Variants in UST observed in about 807,000 individuals in gnomAD.
UST encodes chondroitin sulfate 2-O-sulfotransferase.
In UST, 21 loss-of-function variants were observed where a neutral mutation model predicts 45.6. That is an observed-to-expected ratio of 0.46 (90% CI 0.33 to 0.66). The LOEUF (loss-of-function observed/expected upper bound fraction) is 0.66, where lower values mean the gene tolerates loss of function less well. Ranked by LOEUF, UST falls within the 30% of genes least tolerant of loss-of-function variation. UST has a pLI of 0.02. For missense variants in UST, 463 were observed against 512.4 expected, an observed-to-expected ratio of 0.90 and a Z score of 0.93; for synonymous variants, 215 against 200.6, an observed-to-expected ratio of 1.07 and a Z score of -0.61.
intron 3 of UST, among the ~76,000 whole-genome samples, chr6:148,947,187 A>G (rs954615512): frequency 1.3e-5 from 2 of 152,158 alleles, no homozygotes; most frequent in African/African-American, 4.8e-5. Flanking sequence ...AAGCTATTCC[A>G]TTTATGCCTG....
At chr6:148,826,107 A>G (rs1777562895) in intron 1 of UST, among the ~76,000 whole-genome samples, 1 of 152,124 alleles carries the variant, frequency 6.6e-6, no homozygotes, top group African/African-American at 2.4e-5. Context: ...TCTGTCTAAG[A>G]GCATCCTGTT....
rs1431296658 is a variant in UST at position 149,076,577 on chromosome 6, T to A, written c.*2461T>A. The A allele has an allele frequency of 6.6e-6, 1 of 152,144 alleles. No homozygotes were observed. The highest frequency in any genetic ancestry group is 2.4e-5 in the African/African-American group (1 of 41,178). 9.4% of individuals were successfully genotyped at this position (152,144 alleles called of 1,614,324 possible). On this transcript the variant is annotated 3_prime_UTR_variant, in exon 8 of 8. Coordinates refer to ENST00000367463, the MANE Select transcript of UST (RefSeq NM_005715.3). ...ACCCTCTAGGTCCTAAAAGTCAAGG[T>A]ACTTCAGTTTATTTGGCAAACATGA...
intron 1 of UST, among the ~76,000 whole-genome samples, chr6:148,873,834 A>G (rs1221846501): frequency 6.6e-6 from 1 of 152,154 alleles, no homozygotes; most frequent in Non-Finnish European, 1.5e-5. Context: ...GATGATGAGA[A>G]TGAGGATGCT....
At chr6:148,902,148 A>G (rs758566305) in intron 2 of UST, among the ~76,000 whole-genome samples, 2 of 152,174 alleles carry the variant, frequency 1.3e-5, no homozygotes, top group African/African-American at 2.4e-5. Flanking sequence ...TCTGGTGTGT[A>G]TAAGTTTCAT....
intron 2 of UST, among the ~76,000 whole-genome samples, chr6:148,931,024 G>A (rs533916915): frequency 6.6e-6 from 1 of 152,352 alleles, no homozygotes; most frequent in East Asian, 1.9e-4. Flanking sequence ...GCAGCCAAGT[G>A]TGGCTGTTTC....
chr6:148,787,866 C>T (rs1776762474), intron 1 of UST, among the ~76,000 whole-genome samples: 2 of 152,126 alleles, frequency 1.3e-5, no homozygotes, highest in Non-Finnish European at 2.9e-5. Flanking sequence ...GTAATCAAAG[C>T]CACTGATATT....
intron 7 of UST, among the ~76,000 whole-genome samples, chr6:149,051,470 T>C (rs1354652773): frequency 6.6e-6 from 1 of 152,254 alleles, no homozygotes; most frequent in Non-Finnish European, 1.5e-5. Context: ...CTGATTTTTC[T>C]AACACCAATT....
chr6:148,900,398 T>C (rs891442883), intron 2 of UST, among the ~76,000 whole-genome samples: 2 of 152,172 alleles, frequency 1.3e-5, no homozygotes, highest in South Asian at 2.1e-4. Flanking sequence ...TGGGAGGCAA[T>C]TGAATCATGA....
At chr6:148,942,447 A>G (rs1562307429) in intron 3 of UST, among the ~76,000 whole-genome samples, 1 of 152,158 alleles carries the variant, frequency 6.6e-6, no homozygotes, top group Non-Finnish European at 1.5e-5. Flanking sequence ...AGTCCCAGCT[A>G]TTCGGGAGGC....
chr6:148,942,827 G>C (rs943896033), intron 3 of UST, among the ~76,000 whole-genome samples: 6 of 152,030 alleles, frequency 3.9e-5, no homozygotes, highest in Non-Finnish European at 7.4e-5. Flanking sequence ...CCACTCCTTT[G>C]CAAACTTCCA....
intron 1 of UST, among the ~76,000 whole-genome samples, chr6:148,829,678 C>A (rs1200156667): frequency 6.6e-6 from 1 of 152,102 alleles, no homozygotes; most frequent in African/African-American, 2.4e-5. Flanking sequence ...TTTTTACCCT[C>A]GGTTTGTTTG....
intron 5 of UST, chr6:148,993,066 G>T: frequency 1.0e-6 from 1 of 985,430 alleles, no homozygotes; most frequent in Non-Finnish European, 1.2e-6. Flanking sequence ...CACCAAAGGA[G>T]GTGACATTTG....
intron 1 of UST, among the ~76,000 whole-genome samples, chr6:148,831,950 A>G (rs919074345): frequency 6.6e-6 from 1 of 152,192 alleles, no homozygotes; most frequent in Non-Finnish European, 1.5e-5. Context: ...ATGATAAACA[A>G]TGGGTCTAAT....
intron 1 of UST, among the ~76,000 whole-genome samples, chr6:148,871,139 T>TCTCTCTCTCTCTCTCTCTCTCTCC (rs1304234198): frequency 6.0e-5 from 9 of 149,574 alleles, no homozygotes; most frequent in South Asian, 2.1e-4. Flanking sequence ...TCTCTCTCTC[T>TCTCTCTCTCTCTCTCTCTCTCTCC]CTCTCTCCCT....
At chr6:148,921,994 C>T (rs1278161727) in intron 2 of UST, among the ~76,000 whole-genome samples, 4 of 152,168 alleles carry the variant, frequency 2.6e-5, no homozygotes, top group Non-Finnish European at 5.9e-5. Flanking sequence ...CAGGAAACAA[C>T]CTCAGATTTA....
At chr6:149,049,343 C>T (rs1776444703) in intron 7 of UST, among the ~76,000 whole-genome samples, 2 of 152,020 alleles carry the variant, frequency 1.3e-5, no homozygotes, top group Admixed American at 6.6e-5. Flanking sequence ...TATGATGTGA[C>T]ATGAAGTAAA....
intron 5 of UST, among the ~76,000 whole-genome samples, chr6:149,001,229 G>A (rs745645345): frequency 6.6e-6 from 1 of 151,984 alleles, no homozygotes; most frequent in Non-Finnish European, 1.5e-5. Flanking sequence ...CTACCACCAC[G>A]CCTGGCTAAT....
chr6:148,798,766 G>T (rs1776998064), intron 1 of UST, among the ~76,000 whole-genome samples: 1 of 152,176 alleles, frequency 6.6e-6, no homozygotes, highest in Admixed American at 6.5e-5. Flanking sequence ...ATAAACATTT[G>T]TTACTCTTTA....
intron 1 of UST, among the ~76,000 whole-genome samples, chr6:148,859,592 G>A (rs1778268784): frequency 6.6e-6 from 1 of 152,064 alleles, no homozygotes; most frequent in South Asian, 2.1e-4. Context: ...GAATGGTATT[G>A]CCTAGGTTTT....
Sources: allele counts gnomAD v4.1 joint callset (sites outside exome capture counted in the v4.1 genomes callset), GRCh38; gene constraint gnomAD v4.1.1; transcripts MANE v1.5; gene names NCBI Gene and HGNC (gene_info 2026-07-23, HGNC 2026-07-21).